The following RNF220 variants were observed in gnomAD, a reference collection of about 807,000 sequenced individuals.
RNF220 encodes the protein E3 ubiquitin-protein ligase RNF220.
RNF220 carries 7 observed loss-of-function variants against 67.1 expected under a neutral mutation model. That is an observed-to-expected ratio of 0.10 (90% CI 0.06 to 0.20). The LOEUF is 0.20. Among genes scored for constraint, RNF220 ranks in the 10% least tolerant of loss-of-function variants. RNF220 has a pLI of 1.00. For synonymous variants in RNF220, 270 were observed against 283.2 expected, an observed-to-expected ratio of 0.95 and a Z score of 0.47; for missense variants, 565 against 740.3, an observed-to-expected ratio of 0.76 and a Z score of 2.75.
chr1:44,458,190 G>T (rs936410213), intron 2 of RNF220, among the ~76,000 whole-genome samples: 4 of 151,974 alleles, frequency 2.6e-5, no homozygotes, highest in East Asian at 1.9e-4. Flanking sequence ...TTGAACCCAG[G>T]CGTTACAGTG....
At chr1:44,444,662 A>AACTCCTG (rs1460211085) in intron 2 of RNF220, among the ~76,000 whole-genome samples, 1 of 152,180 alleles carries the variant, frequency 6.6e-6, no homozygotes, top group Non-Finnish European at 1.5e-5. Context: ...GCTGGTCTCA[A>AACTCCTG]ACTCCTGGAC....
chr1:44,542,600 T>A (rs968068927), intron 2 of RNF220, among the ~76,000 whole-genome samples: 1 of 152,102 alleles, frequency 6.6e-6, no homozygotes, highest in East Asian at 1.9e-4. Flanking sequence ...GAGGATGGTG[T>A]TCTTGACAAC....
chr1:44,520,085 T>TTGTGTGTGTG (rs1167831790), intron 2 of RNF220, among the ~76,000 whole-genome samples: 4,933 of 105,846 alleles, frequency 0.047, 229 homozygotes, highest in African/African-American at 0.089. Context: ...AAGTCCAGCA[T>TTGTGTGTGTG]TGTGTGTGTG....
intron 2 of RNF220, among the ~76,000 whole-genome samples, chr1:44,480,536 A>G (rs1655704952): frequency 6.6e-6 from 1 of 152,236 alleles, no homozygotes; most frequent in African/African-American, 2.4e-5. Context: ...TGGTAGAGGA[A>G]AAGAAGAAAG....
chr1:44,625,026 TGAGAGAGAGAGAGA>T (rs71665956), intron 4 of RNF220, among the ~76,000 whole-genome samples: 33 of 147,368 alleles, frequency 2.2e-4, no homozygotes, highest in African/African-American at 8.0e-4. Context: ...CTAGAGAGAA[TGAGAGAGAGAGAGA>T]GAGAGAGAGA....
At position 44,405,416 on chromosome 1, in the gene RNF220, G is replaced by A. The variant is rs1647244640; in HGVS notation, c.-232G>A. ...TGCTGCCGCTGCCGCCGCCGCCGCC[G>A]CCGCTGCCTCCGCCGGCTCTGCGAA... On this transcript the variant is annotated 5_prime_UTR_variant, in exon 1 of 15. Coordinates refer to ENST00000361799, the MANE Select transcript of RNF220 (RefSeq NM_018150.4). 1.6e-6 allele frequency: 1 copy of A among 636,066 alleles called. No individual in the cohort carries two copies. The allele number at this position is 636,066 out of a possible 1,614,324, so 39.4% of individuals were successfully genotyped here. A position where few individuals can be genotyped will look rare whatever the true frequency, so the allele number is the denominator to read the frequency against.
At chr1:44,626,762 G>C (rs1643953494) in intron 5 of RNF220, 1 of 210,598 alleles carries the variant, frequency 4.7e-6, no homozygotes, top group African/African-American at 2.3e-5. Context: ...ATACCGGCCG[G>C]GTGCAGTGGC....
chr1:44,447,126 G>A (rs16831968), intron 2 of RNF220, among the ~76,000 whole-genome samples: 5,048 of 152,210 alleles, frequency 0.033, 288 homozygotes, highest in African/African-American at 0.12. Context: ...TTAATTATTA[G>A]TGTTAAGAAA....
chr1:44,627,407 C>G (rs1643989516), intron 5 of RNF220, among the ~76,000 whole-genome samples: 1 of 149,226 alleles, frequency 6.7e-6, no homozygotes, highest in African/African-American at 2.5e-5. Flanking sequence ...TCAATTCTGC[C>G]AAACCTTGGT....
chr1:44,538,437 C>T (rs1027324099), intron 2 of RNF220, among the ~76,000 whole-genome samples: 4 of 152,290 alleles, frequency 2.6e-5, no homozygotes, highest in African/African-American at 9.6e-5. Flanking sequence ...TTGGTCTACA[C>T]TTTCTCACAT....
rs753229059 is a variant in RNF220 at position 44,650,698 on chromosome 1, C to G, written c.1630-6C>G. The G allele has an allele frequency of 3.9e-5, 63 of 1,613,676 alleles. No individual in the cohort carries two copies. Among genetic ancestry groups the G allele is most frequent in the Admixed American group, 2.3e-4 (14 of 59,998 alleles). Reference sequence around the variant, plus strand: ...TAGACCAGAGCCCTCCCTGTTCTCCCTGCAGGGTGCCAAGAAGCTCTGCCC... The same window carrying G: ...TAGACCAGAGCCCTCCCTGTTCTCCGTGCAGGGTGCCAAGAAGCTCTGCCC... On this transcript the variant is annotated splice_polypyrimidine_tract_variant and splice_region_variant and intron_variant, in intron 14 of 14. Transcript: ENST00000361799. The surrounding 1 kb of genome is among the most constrained non-coding windows in gnomAD (Gnocchi z 4.3).
At chr1:44,514,907 A>C (rs1659334185) in intron 2 of RNF220, among the ~76,000 whole-genome samples, 1 of 152,166 alleles carries the variant, frequency 6.6e-6, no homozygotes, top group Non-Finnish European at 1.5e-5. Flanking sequence ...CACGTCCAGC[A>C]GGGCAGGTAG....
chr1:44,567,060 A>C (rs1164008082), intron 2 of RNF220, among the ~76,000 whole-genome samples: 1 of 151,956 alleles, frequency 6.6e-6, no homozygotes, highest in Non-Finnish European at 1.5e-5. Context: ...ATGGAGAATC[A>C]CTCCTTTAAT....
At chr1:44,434,866 A>C (rs1189226498) in intron 2 of RNF220, among the ~76,000 whole-genome samples, 1 of 151,944 alleles carries the variant, frequency 6.6e-6, no homozygotes, top group Admixed American at 6.6e-5. Context: ...AAAAAAAAAA[A>C]AAAATTAAAA....
intron 2 of RNF220, among the ~76,000 whole-genome samples, chr1:44,452,751 C>T (rs1366030799): frequency 2.6e-5 from 4 of 152,074 alleles, no homozygotes; most frequent in South Asian, 2.1e-4. Flanking sequence ...GGATTACAGG[C>T]GTGAGCCACT....
At chr1:44,406,306 G>A (rs889272073) in intron 1 of RNF220, among the ~76,000 whole-genome samples, 15 of 152,274 alleles carry the variant, frequency 9.9e-5, no homozygotes, top group African/African-American at 3.6e-4. Context: ...GAGGCGGACC[G>A]TTCTAAACGC....
intron 2 of RNF220, among the ~76,000 whole-genome samples, chr1:44,551,201 G>C (rs958693528): frequency 2.2e-5 from 3 of 135,504 alleles, no homozygotes; most frequent in Admixed American, 8.9e-5. Context: ...TGCAACCTTC[G>C]CCTTCTGGAT....
chr1:44,406,762 C>T (rs1647378037), intron 1 of RNF220, among the ~76,000 whole-genome samples: 1 of 152,208 alleles, frequency 6.6e-6, no homozygotes, highest in Non-Finnish European at 1.5e-5. Context: ...AAGAGAAAGC[C>T]TTTTCTTCCA....
At chr1:44,425,134 G>T (rs1292054284) in intron 2 of RNF220, among the ~76,000 whole-genome samples, 1 of 152,190 alleles carries the variant, frequency 6.6e-6, no homozygotes, top group African/African-American at 2.4e-5. Context: ...CGGGTAGAAG[G>T]TTCAGTGAGC....
Sources: gnomAD v4.1 joint callset for allele counts (sites outside exome capture counted in the v4.1 genomes callset) on GRCh38, gnomAD v4.1.1 for gene constraint, Gnocchi (gnomAD v3.1) non-coding constraint, MANE v1.5 for transcripts, NCBI Gene and HGNC (gene_info 2026-07-23, HGNC 2026-07-21) for gene names.